Variants in MGAT4C observed in about 807,000 individuals in gnomAD.
MGAT4C encodes the protein MGAT4 family member C.
A neutral mutation model predicts 40.1 loss-of-function variants in MGAT4C; 19 were observed. The ratio of observed to expected loss-of-function variants is 0.47; its 90% CI spans 0.33 to 0.70. The LOEUF (loss-of-function observed/expected upper bound fraction) is 0.70, where lower values mean the gene tolerates loss of function less well. MGAT4C is among the 30% of genes least tolerant of loss of function. The pLI, the probability that MGAT4C is intolerant of heterozygous loss-of-function variation, is 0.02. For synonymous variants in MGAT4C, 181 were observed against 187.1 expected, an observed-to-expected ratio of 0.97 and a Z score of 0.27; for missense variants, 491 against 563.2, an observed-to-expected ratio of 0.87 and a Z score of 1.30.
At chr12:86,445,648 C>T (rs1177321014) in intron 2 of MGAT4C, among the ~76,000 whole-genome samples, 4 of 152,028 alleles carry the variant, frequency 2.6e-5, no homozygotes, top group Admixed American at 6.6e-5. Flanking sequence ...AATGTCCTCC[C>T]GCAGTAAAAC....
intron 1 of MGAT4C, among the ~76,000 whole-genome samples, chr12:86,101,724 G>A (rs1875099150): frequency 6.6e-6 from 1 of 151,928 alleles, no homozygotes; most frequent in South Asian, 2.1e-4. Flanking sequence ...TTTGAGAGAA[G>A]TGTAGCAGAG....
At chr12:86,054,848 T>C (rs904184872) in intron 1 of MGAT4C, among the ~76,000 whole-genome samples, 6 of 149,934 alleles carry the variant, frequency 4.0e-5, no homozygotes, top group Admixed American at 6.7e-5. Context: ...ATAATTTCTG[T>C]AGTAATGTAT....
At chr12:86,297,393 A>T (rs1953707936) in intron 4 of MGAT4C, among the ~76,000 whole-genome samples, 1 of 152,322 alleles carries the variant, frequency 6.6e-6, no homozygotes, top group East Asian at 1.9e-4. Flanking sequence ...ATACTTATAT[A>T]TTTACACAAA....
intron 1 of MGAT4C, among the ~76,000 whole-genome samples, chr12:86,742,031 A>T (rs1951077302): frequency 6.6e-6 from 1 of 151,406 alleles, no homozygotes; most frequent in Admixed American, 6.6e-5. Context: ...GAAAATTAAT[A>T]AGGTGGAGTT....
intron 2 of MGAT4C, among the ~76,000 whole-genome samples, chr12:86,563,398 G>T (rs1565851098): frequency 6.6e-6 from 1 of 152,166 alleles, no homozygotes; most frequent in Non-Finnish European, 1.5e-5. Context: ...AAGTGAAATT[G>T]ATAAGAAGCC....
At chr12:86,388,164 A>G (rs1044500512) in intron 3 of MGAT4C, among the ~76,000 whole-genome samples, 4 of 152,172 alleles carry the variant, frequency 2.6e-5, no homozygotes, top group African/African-American at 9.6e-5. Context: ...TTAATAGAAT[A>G]GAGTTCTCAT....
intron 2 of MGAT4C, among the ~76,000 whole-genome samples, chr12:86,640,613 T>C (rs1963352612): frequency 6.6e-6 from 1 of 152,016 alleles, no homozygotes; most frequent in Non-Finnish European, 1.5e-5. Context: ...TCAGTTCTAC[T>C]CTGATTTTAG....
At chr12:86,665,661 G>A (rs775619724) in intron 2 of MGAT4C, among the ~76,000 whole-genome samples, 1 of 152,012 alleles carries the variant, frequency 6.6e-6, no homozygotes, top group Non-Finnish European at 1.5e-5. Flanking sequence ...GTGAGCCACC[G>A]CTCCCAGCCG....
At chr12:86,012,162 GT>G (rs1308345544) in intron 2 of MGAT4C, among the ~76,000 whole-genome samples, 1 of 152,108 alleles carries the variant, frequency 6.6e-6, no homozygotes, top group Non-Finnish European at 1.5e-5. Flanking sequence ...TACCCTTAAT[GT>G]CATAGACATT....
At chr12:86,195,266 G>A (rs1358809206) in intron 1 of MGAT4C, among the ~76,000 whole-genome samples, 1 of 152,146 alleles carries the variant, frequency 6.6e-6, no homozygotes, top group East Asian at 1.9e-4. Context: ...GGTTGCTGAA[G>A]TAGTTCTTTA....
chr12:86,007,161 G>C (rs891704317), intron 2 of MGAT4C, among the ~76,000 whole-genome samples: 15 of 152,048 alleles, frequency 9.9e-5, no homozygotes, highest in South Asian at 4.2e-4. Context: ...TCAATGAATG[G>C]TTAAATATAC....
At chr12:86,688,340 T>C (rs568828261) in intron 2 of MGAT4C, among the ~76,000 whole-genome samples, 25 of 152,090 alleles carry the variant, frequency 1.6e-4, no homozygotes, top group Non-Finnish European at 3.4e-4. Flanking sequence ...ATTTAGCTCA[T>C]TTACATTTAA....
chr12:86,292,240 G>C (rs1330832857), intron 4 of MGAT4C, among the ~76,000 whole-genome samples: 1 of 151,656 alleles, frequency 6.6e-6, no homozygotes, highest in Non-Finnish European at 1.5e-5. Flanking sequence ...ATACATTTTA[G>C]CAAAAATATA....
chr12:86,827,194 T>A (rs1191287136), intron 1 of MGAT4C, among the ~76,000 whole-genome samples: 1 of 151,434 alleles, frequency 6.6e-6, no homozygotes, highest in Non-Finnish European at 1.5e-5. Flanking sequence ...CTGGCCATAT[T>A]AGCAGCAGGG....
At chr12:86,322,089 T>C (rs1954404439) in intron 4 of MGAT4C, among the ~76,000 whole-genome samples, 1 of 151,652 alleles carries the variant, frequency 6.6e-6, no homozygotes, top group Non-Finnish European at 1.5e-5. Context: ...TGGATGAAGA[T>C]GGAAACCATC....
At chr12:86,767,323 T>G (rs1336559229) in intron 1 of MGAT4C, among the ~76,000 whole-genome samples, 18 of 152,096 alleles carry the variant, frequency 1.2e-4, no homozygotes, top group Admixed American at 1.0e-3. Flanking sequence ...AGGAAGAAGT[T>G]GAATCTCTGA....
At chr12:86,256,177 T>G (rs893010617) in intron 1 of MGAT4C, 62 bp downstream of exon 1, 54 of 152,064 alleles carry the variant, frequency 3.6e-4, no homozygotes, top group African/African-American at 1.1e-3. Context: ...TTATAATATT[T>G]TCTCTGTAAG....
At chr12:86,755,278 G>T (rs372000348) in intron 1 of MGAT4C, among the ~76,000 whole-genome samples, 1 of 152,124 alleles carries the variant, frequency 6.6e-6, no homozygotes, top group South Asian at 2.1e-4. Context: ...AAATTTTGGA[G>T]TTGTTAGCCC....
intron 2 of MGAT4C, among the ~76,000 whole-genome samples, chr12:86,014,854 G>A (rs1888905674): frequency 1.3e-5 from 2 of 151,678 alleles, no homozygotes; most frequent in Admixed American, 1.3e-4. Flanking sequence ...ATTTTGAGAC[G>A]GGATCTCTTG....
Sources: allele counts gnomAD v4.1 joint callset (sites outside exome capture counted in the v4.1 genomes callset), GRCh38; gene constraint gnomAD v4.1.1; transcripts MANE v1.5; gene names NCBI Gene and HGNC (gene_info 2026-07-23, HGNC 2026-07-21).